BAZ2B: variants seen among roughly 807,000 people sequenced by gnomAD.
The protein encoded by BAZ2B is bromodomain adjacent to zinc finger domain 2B.
BAZ2B carries 91 observed loss-of-function variants against 246.0 expected under a neutral mutation model. The ratio of observed to expected loss-of-function variants is 0.37; its 90% CI spans 0.31 to 0.44. The LOEUF (loss-of-function observed/expected upper bound fraction) is 0.44, where lower values mean the gene tolerates loss of function less well. Ranked by LOEUF, BAZ2B falls within the 20% of genes least tolerant of loss-of-function variation. The probability of loss-of-function intolerance (pLI) is 1.00; values close to 1 mark genes in which losing one functional copy is unlikely to be tolerated. For synonymous variants in BAZ2B, 855 were observed against 860.0 expected, an observed-to-expected ratio of 0.99 and a Z score of 0.10; for missense variants, 2,332 against 2,533.7, an observed-to-expected ratio of 0.92 and a Z score of 1.71.
chr2:159,464,293 C>G (rs2076773859), intron 3 of BAZ2B: 1 of 152,176 alleles, frequency 6.6e-6, no homozygotes, highest in Non-Finnish European at 1.5e-5. Flanking sequence ...TAGTTTTGTA[C>G]AGTCGTGTTA....
At chr2:159,599,623 A>T (rs1335158086) in intron 1 of BAZ2B, among the ~76,000 whole-genome samples, 1 of 149,820 alleles carries the variant, frequency 6.7e-6, no homozygotes, top group African/African-American at 2.5e-5. Context: ...TGTCTCAAAA[A>T]AAAAAAAGAA....
In BAZ2B at chr2:159,481,187, T is replaced by C. The variant is rs553392879; in HGVS notation, c.-2-2466A>G. Among the ~76,000 whole-genome samples the C allele has an allele frequency of 3.3e-5, 5 of 152,188 alleles. No individual in the cohort carries two copies. The East Asian group carries it at 9.6e-4, about 29-fold the overall frequency. On this transcript the variant is annotated intron_variant, in intron 2 of 36. Transcript: ENST00000392783. ...AGTCTTCTTTTTAAGTTAAATATTA[T>C]TCTTTCAGTTTTATTTACTATCATC...
chr2:159,505,549 T>C (rs539415907), intron 2 of BAZ2B, among the ~76,000 whole-genome samples: 1 of 152,272 alleles, frequency 6.6e-6, no homozygotes, highest in South Asian at 2.1e-4. Flanking sequence ...ATAACTAACA[T>C]TCACTGTCTT....
At chr2:159,596,522 T>C (rs1690755436) in intron 1 of BAZ2B, among the ~76,000 whole-genome samples, 4 of 152,212 alleles carry the variant, frequency 2.6e-5, no homozygotes, top group South Asian at 4.1e-4. Flanking sequence ...TCTCCATTTA[T>C]TTATTTTTTT....
Position 159,350,187 on chromosome 2 carries a change from T to A in BAZ2B, c.4384A>T (p.Lys1462Ter). 1 of 1,614,094 alleles carries A rather than the reference T, an allele frequency of 6.2e-7. No individual in the cohort carries two copies. The highest frequency in any genetic ancestry group is 2.2e-5 in the East Asian group (1 of 44,880). The change falls in exon 28 of 37, where the codon AAA becomes TAA. Residue 1462 changes from lysine to a stop codon, truncating the protein, a stop_gained. Coordinates refer to ENST00000392783, the MANE Select transcript of BAZ2B (RefSeq NM_013450.4). LOFTEE classifies it high-confidence loss of function. Reference sequence around the variant, plus strand: ...CTTAATTTGGAAAAAGAGCCAGGTTTCTGAAGGAATAGATTTGTGTTATCT... The same window carrying A: ...CTTAATTTGGAAAAAGAGCCAGGTTACTGAAGGAATAGATTTGTGTTATCT... ...EKDNTNLFLQ[K>*]PGSFSKLSKL...
intron 30 of BAZ2B, 88 bp downstream of exon 30, chr2:159,348,590 C>T: frequency 7.0e-7 from 1 of 1,434,982 alleles, no homozygotes; most frequent in Non-Finnish European, 9.3e-7. Flanking sequence ...ATATGAAGGA[C>T]CAATAGACTG....
chr2:159,611,031 C>T (rs1479682774), intron 1 of BAZ2B, among the ~76,000 whole-genome samples: 2 of 151,890 alleles, frequency 1.3e-5, no homozygotes, highest in East Asian at 1.9e-4. Flanking sequence ...TATTTTATAA[C>T]TCAATATGCA....
chr2:159,415,358 T>A (rs1576754200), intron 13 of BAZ2B, among the ~76,000 whole-genome samples: 1 of 149,538 alleles, frequency 6.7e-6, no homozygotes, highest in Admixed American at 6.8e-5. Context: ...GGCAGAAGAA[T>A]TGCTTGAACC....
the BAZ2B span, among the ~76,000 whole-genome samples, chr2:159,642,349 T>C: frequency 2.0e-5 from 3 of 151,536 alleles, no homozygotes; most frequent in African/African-American, 4.9e-5. Flanking sequence ...GTCATTCTCC[T>C]GTCTCGGCCT....
chr2:159,336,156 C>CA (rs1339025179), intron 33 of BAZ2B, among the ~76,000 whole-genome samples: 2 of 151,802 alleles, frequency 1.3e-5, no homozygotes, highest in Non-Finnish European at 2.9e-5. Flanking sequence ...GACTCTGTCT[C>CA]AAAAAACAAA....
the BAZ2B span, among the ~76,000 whole-genome samples, chr2:159,697,094 T>A: frequency 6.6e-6 from 1 of 152,190 alleles, no homozygotes; most frequent in Admixed American, 6.5e-5. Flanking sequence ...CCTGGTTATG[T>A]GTAGTCTTAT....
At chr2:159,528,664 C>T (rs1351967061) in intron 2 of BAZ2B, among the ~76,000 whole-genome samples, 5 of 141,496 alleles carry the variant, frequency 3.5e-5, no homozygotes, top group African/African-American at 1.1e-4. Flanking sequence ...GCCTGGGTGA[C>T]AAGCGAAACT....
chr2:159,558,718 A>G (rs961238559), intron 1 of BAZ2B, among the ~76,000 whole-genome samples: 3 of 152,194 alleles, frequency 2.0e-5, no homozygotes, highest in Admixed American at 6.5e-5. Flanking sequence ...GGCCCATGGG[A>G]AATAAGAGAA....
At chr2:159,608,383 T>A (rs867630254) in intron 1 of BAZ2B, among the ~76,000 whole-genome samples, 2 of 152,106 alleles carry the variant, frequency 1.3e-5, no homozygotes, top group African/African-American at 4.8e-5. Flanking sequence ...TCCAAAAAAA[T>A]AAAAAGTAAA....
intron 27 of BAZ2B, among the ~76,000 whole-genome samples, chr2:159,361,041 G>A (rs1423516341): frequency 3.3e-5 from 5 of 152,030 alleles, no homozygotes; most frequent in Non-Finnish European, 7.3e-5. Flanking sequence ...ATAGGCATGG[G>A]CAAGGACTTG....
intron 31 of BAZ2B, among the ~76,000 whole-genome samples, chr2:159,343,352 A>G (rs1264641877): frequency 6.6e-6 from 1 of 152,184 alleles, no homozygotes; most frequent in Non-Finnish European, 1.5e-5. Context: ...TATTTTATAT[A>G]TAAAACTTCA....
chr2:159,586,805 A>C (rs911660680), intron 1 of BAZ2B, among the ~76,000 whole-genome samples: 5 of 152,184 alleles, frequency 3.3e-5, no homozygotes, highest in Non-Finnish European at 7.3e-5. Flanking sequence ...GGCTTGCATA[A>C]TATAAACTCT....
the BAZ2B span, among the ~76,000 whole-genome samples, chr2:159,709,471 A>C: frequency 6.6e-6 from 1 of 152,256 alleles, no homozygotes; most frequent in Non-Finnish European, 1.5e-5. Flanking sequence ...CTACCCACAC[A>C]GAAGTCATAA....
intron 2 of BAZ2B, among the ~76,000 whole-genome samples, chr2:159,495,484 C>CAAAAAA (rs56365046): frequency 9.2e-4 from 67 of 73,214 alleles, no homozygotes; most frequent in East Asian, 1.7e-3. Flanking sequence ...GACTCCGTCT[C>CAAAAAA]AAAAAAAAAA....
Sources: allele counts gnomAD v4.1 joint callset (sites outside exome capture counted in the v4.1 genomes callset), GRCh38; gene constraint gnomAD v4.1.1; transcripts MANE v1.5; gene names NCBI Gene and HGNC (gene_info 2026-07-23, HGNC 2026-07-21).